The following ADCK2 variants were observed in gnomAD, a reference collection of about 807,000 sequenced individuals.
ADCK2 encodes the protein aarF domain containing kinase 2.
ADCK2 carries 37 observed loss-of-function variants against 52.3 expected under a neutral mutation model. The observed-to-expected ratio is 0.71, with a 90% CI of 0.54 to 0.93. ADCK2 has a LOEUF of 0.93. Among genes scored for constraint, ADCK2 ranks in the 40% least tolerant of loss-of-function variants. ADCK2 has a pLI of 0.00. For missense variants in ADCK2, 695 were observed against 798.7 expected (o/e 0.87, Z 1.56); for synonymous variants, 321 against 349.2 (o/e 0.92, Z 0.90).
intron 5 of ADCK2, 134 bp from the exon 6 acceptor site, chr7:140,689,463 C>A: frequency 1.8e-6 from 2 of 1,106,756 alleles, no homozygotes; most frequent in Non-Finnish European, 1.3e-6. Context: ...AAGGTCACAG[C>A]CCGAGGAGGA....
Position 140,673,301 on chromosome 7 carries a change from C to A in ADCK2, c.-30C>A. 7.0e-7 allele frequency: 1 copy of A among 1,424,010 alleles called. No homozygotes were observed. Among genetic ancestry groups the A allele is most frequent in the Non-Finnish European group, 9.2e-7 (1 of 1,089,208 alleles). The allele number at this position is 1,424,010 out of a possible 1,614,324, so 88.2% of individuals were successfully genotyped here. A position where few individuals can be genotyped will look rare whatever the true frequency, so the allele number is the denominator to read the frequency against. On this transcript the variant is annotated 5_prime_UTR_variant, in exon 1 of 8. Transcript: ENST00000072869. This position sits in a 1 kb window ranked among gnomAD's most constrained non-coding sequence, Gnocchi z 6.4. ...GAGCGGGCGCCTCTGAAGTGGAGGG[C>A]GGGCCGCCTGGGCCGCGGGCCTCGG... is the stretch of plus-strand genomic sequence containing the variant.
In ADCK2 at chr7:140,688,456, C is replaced by T. The variant is rs182652594; in HGVS notation, c.1558-1141C>T. Among the ~76,000 whole-genome samples, 18 of 152,292 alleles carry T rather than the reference C, an allele frequency of 1.2e-4. No homozygotes were observed. In the South Asian group the frequency reaches 1.7e-3, roughly 14 times the overall value. On this transcript the variant is annotated intron_variant, in intron 5 of 7. Transcript: ENST00000072869. ...TGGAGGGAGGCAGGAGGACAGGAGG[C>T]GAGGCTGCCCTTAAGGGGCTTTCTG... is the stretch of plus-strand genomic sequence containing the variant.
intron 5 of ADCK2, among the ~76,000 whole-genome samples, 182 bp from the exon 6 acceptor site, chr7:140,689,415 G>T (rs1794665372): frequency 6.6e-6 from 1 of 152,194 alleles, no homozygotes. Flanking sequence ...TGCAGCGGGG[G>T]TGGGGGCATT....
intron 3 of ADCK2, among the ~76,000 whole-genome samples, chr7:140,679,935 AAGTGCTGGGATTAC>A (rs1246739670): frequency 6.6e-6 from 1 of 151,888 alleles, no homozygotes; most frequent in Non-Finnish European, 1.5e-5. Context: ...TGGCCTCCCA[AAGTGCTGGGATTAC>A]AGGCATGAGC....
At chr7:140,690,662 TG>T in intron 6 of ADCK2, 97 bp from the exon 7 acceptor site, 1 of 973,368 alleles carries the variant, frequency 1.0e-6, no homozygotes, top group Non-Finnish European at 1.5e-6. Context: ...GGCGGGGGAG[TG>T]GGGTGGGATG....
In ADCK2 at chr7:140,687,149, C is replaced by A. The variant is rs1794618901; in HGVS notation, c.1465C>A (p.Leu489Met). 1 of 1,612,086 alleles carries A rather than the reference C, an allele frequency of 6.2e-7. No homozygotes were observed. Among genetic ancestry groups the A allele is most frequent in the Non-Finnish European group, 8.5e-7 (1 of 1,179,018 alleles). Residue 489 changes from leucine to methionine, a missense_variant, in exon 5 of 8, where the codon CTG becomes ATG. Physicochemically the swap from Leu to Met is conservative, Grantham distance 15. Coordinates refer to ENST00000072869, the MANE Select transcript of ADCK2 (RefSeq NM_052853.4). ...AVPSSLCPLR[L>M]VLLDAGIVAE... Reference sequence around the variant, plus strand: ...GCCATCTTCCCTCTGCCCGCTGCGACTGGTGCTGCTGGATGCTGGCATTGT... The same window carrying A: ...GCCATCTTCCCTCTGCCCGCTGCGAATGGTGCTGCTGGATGCTGGCATTGT...
At chr7:140,682,560 A>G (rs1794534257) in intron 4 of ADCK2, among the ~76,000 whole-genome samples, 1 of 152,210 alleles carries the variant, frequency 6.6e-6, no homozygotes, top group South Asian at 2.1e-4. Context: ...ATCCAAGGGC[A>G]GATAAGTTCA....
rs1032336357 is a variant in ADCK2 at position 140,693,540 on chromosome 7, G to C, written c.1741-1123G>C. The stretch of plus-strand genomic sequence containing the variant: ...CTATTCCTCCTCACTCAGTGGCCTT[G>C]AGCAAGTCATTGAACCTCTCTGAGC... On this transcript the variant is annotated intron_variant, in intron 7 of 7. Coordinates refer to ENST00000072869, the MANE Select transcript of ADCK2 (RefSeq NM_052853.4). The surrounding 1 kb of genome is among the most constrained non-coding windows in gnomAD (Gnocchi z 4.0). Among the ~76,000 whole-genome samples, 4 of 152,166 alleles carry C rather than the reference G, an allele frequency of 2.6e-5. No homozygotes were observed. Among genetic ancestry groups the C allele is most frequent in the Non-Finnish European group, 5.9e-5 (4 of 68,040 alleles).
intron 2 of ADCK2, 91 bp from the exon 3 acceptor site, chr7:140,679,064 G>A: frequency 2.0e-6 from 3 of 1,499,188 alleles, no homozygotes; most frequent in East Asian, 2.3e-5. Flanking sequence ...AGGTGGGGTG[G>A]ATCTCATGAC....
Position 140,674,101 on chromosome 7 carries a change from T to A in ADCK2, c.771T>A (p.Leu257=). 1 of 1,614,110 alleles carries A rather than the reference T, an allele frequency of 6.2e-7. No individual in the cohort carries two copies. The highest frequency in any genetic ancestry group is 8.5e-7 in the Non-Finnish European group (1 of 1,180,010). ...VGGLRELFGY[L]GNGRKPPENL... is the part of the protein sequence containing the mutation. ...GGCTGAGAGAGCTCTTTGGATACCT[T>A]GGAAATGGCCGGAAACCTCCAGAAA... Residue 257 remains leucine (L), a synonymous_variant, in exon 1 of 8, where the codon CTT becomes CTA. Coordinates refer to ENST00000072869, the MANE Select transcript of ADCK2 (RefSeq NM_052853.4). The surrounding 1 kb of genome is among the most constrained non-coding windows in gnomAD (Gnocchi z 4.6).
intron 7 of ADCK2, among the ~76,000 whole-genome samples, chr7:140,692,192 T>C (rs773169677): frequency 7.9e-5 from 12 of 152,200 alleles, no homozygotes; most frequent in Admixed American, 1.3e-4. Flanking sequence ...CAGCTCCCCA[T>C]TCCCCTCTCC....
rs1191510822 is a variant in ADCK2, at chr7:140,673,570, C to G, written c.240C>G (p.Pro80=). 7.5e-6 allele frequency: 12 copies of G among 1,601,824 alleles called. No homozygotes were observed. Among genetic ancestry groups the G allele is most frequent in the Non-Finnish European group, 1.0e-5 (12 of 1,177,784 alleles). ...GCAGCGGGGCGGCTGGCGCGGGGCC[C>G]GCGGAGAGCCTCCCCCGAGCGGGAC... ...VRCSGAAGAG[P]AESLPRAGPL... The change falls in exon 1 of 8, where the codon CCC becomes CCG. Residue 80 remains proline, a synonymous_variant. Coordinates refer to ENST00000072869, the MANE Select transcript of ADCK2 (RefSeq NM_052853.4). This position sits in a 1 kb window ranked among gnomAD's most constrained non-coding sequence, Gnocchi z 6.4.
At chr7:140,694,523 G>A (rs1185491004) in intron 7 of ADCK2, 140 bp from the exon 8 acceptor site, 3 of 788,532 alleles carry the variant, frequency 3.8e-6, no homozygotes, top group South Asian at 1.9e-5. Context: ...ACGCGGTAGA[G>A]AAGAGAATGT....
chr7:140,689,284 T>A (rs1211618344), intron 5 of ADCK2, among the ~76,000 whole-genome samples: 2 of 151,150 alleles, frequency 1.3e-5, no homozygotes, highest in African/African-American at 4.8e-5. Context: ...AAAAAAAAAT[T>A]TTTTTTTTTT....
Position 140,673,240 on chromosome 7 carries a change from T to C in ADCK2, c.-91T>C. 8.7e-7 allele frequency: 1 copy of C among 1,149,546 alleles called. No homozygotes were observed. 71.2% of individuals were successfully genotyped at this position (1,149,546 alleles called of 1,614,324 possible). On this transcript the variant is annotated 5_prime_UTR_variant, in exon 1 of 8. Coordinates refer to ENST00000072869, the MANE Select transcript of ADCK2 (RefSeq NM_052853.4). The surrounding 1 kb of genome is among the most constrained non-coding windows in gnomAD (Gnocchi z 6.4). ...CAGATGGGCAGCTCCGTCCGCGGGGTCAGGGCCGGGCTTCGGCTTCACCGC... is the reference window on the plus strand; with the variant it reads ...CAGATGGGCAGCTCCGTCCGCGGGGCCAGGGCCGGGCTTCGGCTTCACCGC...
chr7:140,682,768 T>C (rs1794536914), intron 4 of ADCK2, among the ~76,000 whole-genome samples: 3 of 148,596 alleles, frequency 2.0e-5, no homozygotes, highest in South Asian at 2.1e-4. Context: ...GGCGGGGAGA[T>C]TGCTTGAGCC....
intron 4 of ADCK2, among the ~76,000 whole-genome samples, chr7:140,682,166 A>C (rs988941146): frequency 6.6e-6 from 1 of 152,250 alleles, no homozygotes; most frequent in African/African-American, 2.4e-5. Flanking sequence ...GTGACATACT[A>C]TTCCTTGGGA....
At position 140,674,632 on chromosome 7, in the gene ADCK2, G is replaced by T. The variant is rs1179845448; in HGVS notation, c.955G>T (p.Ala319Ser). 14 of 1,613,608 alleles carry T rather than the reference G, an allele frequency of 8.7e-6. No individual in the cohort carries two copies. Among genetic ancestry groups the T allele is most frequent in the Non-Finnish European group, 1.1e-5 (13 of 1,179,888 alleles). Reference protein sequence around the residue: ...AVKVLHPGLLAQVHMDLLLMK... With the variant: ...AVKVLHPGLLSQVHMDLLLMK... ...ACAGGTGTTGCACCCTGGCCTGCTC[G>T]CTCAGGTGCATATGGACCTGCTGCT... The change falls in exon 2 of 8, where the codon GCT (alanine) becomes TCT (serine). Residue 319 changes from alanine to serine, a missense_variant. Coordinates refer to ENST00000072869, the MANE Select transcript of ADCK2 (RefSeq NM_052853.4). This position sits in a 1 kb window ranked among gnomAD's most constrained non-coding sequence, Gnocchi z 4.6.
chr7:140,683,223 T>C (rs922010113), intron 4 of ADCK2, among the ~76,000 whole-genome samples: 2 of 152,060 alleles, frequency 1.3e-5, no homozygotes, highest in African/African-American at 4.8e-5. Context: ...AGGCAGAGAT[T>C]GCAGTGAGCC....
Sources: gnomAD v4.1 joint callset for allele counts (sites outside exome capture counted in the v4.1 genomes callset) on GRCh38, gnomAD v4.1.1 for gene constraint, Gnocchi (gnomAD v3.1) non-coding constraint, MANE v1.5 for transcripts, NCBI Gene and HGNC (gene_info 2026-07-23, HGNC 2026-07-21) for gene names.